The following CFAP206 variants were observed in gnomAD, a reference collection of about 807,000 sequenced individuals.
CFAP206 encodes cilia and flagella associated protein 206.
CFAP206 carries 53 observed loss-of-function variants against 65.4 expected under a neutral mutation model. The observed-to-expected ratio is 0.81, with a 90% CI of 0.65 to 1.02. The LOEUF is 1.02. Ranked by LOEUF, CFAP206 falls within the 50% of genes least tolerant of loss-of-function variation. The pLI, the probability that CFAP206 is intolerant of heterozygous loss-of-function variation, is 0.00. For synonymous variants in CFAP206, 250 were observed against 254.4 expected, an observed-to-expected ratio of 0.98 and a Z score of 0.17; for missense variants, 663 against 753.2, an observed-to-expected ratio of 0.88 and a Z score of 1.40.
At chr6:87,416,414 T>A (rs1767830158) in intron 5 of CFAP206, among the ~76,000 whole-genome samples, 1 of 152,094 alleles carries the variant, frequency 6.6e-6, no homozygotes, top group Admixed American at 6.5e-5. Context: ...CTTGTTTTCA[T>A]GCCCATTGCC....
intron 11 of CFAP206, among the ~76,000 whole-genome samples, chr6:87,459,598 G>A (rs1395065548): frequency 6.6e-6 from 1 of 152,124 alleles, no homozygotes. Context: ...TATAGATCAG[G>A]AATATTCAAA....
intron 11 of CFAP206, among the ~76,000 whole-genome samples, chr6:87,443,270 C>G (rs953445269): frequency 3.3e-5 from 5 of 152,072 alleles, no homozygotes; most frequent in African/African-American, 1.2e-4. Flanking sequence ...TATCCTTTTA[C>G]TATTTGTTTA....
intron 11 of CFAP206, among the ~76,000 whole-genome samples, chr6:87,447,192 C>T (rs1768460006): frequency 6.6e-6 from 1 of 152,084 alleles, no homozygotes; most frequent in Non-Finnish European, 1.5e-5. Context: ...CTTTCTCTTG[C>T]CTGACTGCCC....
In CFAP206 at chr6:87,426,628, C is replaced by G; in HGVS notation, c.943C>G (p.Pro315Ala). The change falls in exon 8 of 13, where the codon CCA (proline) becomes GCA (alanine). Residue 315 changes from proline to alanine, a missense_variant. Coordinates refer to ENST00000369562, the MANE Select transcript of CFAP206 (RefSeq NM_001031743.3). The part of the protein sequence containing the change: ...KMTIKSKIAV[P>A]TSQVFPIFIA... ...GACCATAAAATCAAAGATAGCGGTC[C>G]CAACATCACAAGTCTTTGTAAGTAT... 1 of 1,586,740 alleles carries G rather than the reference C, an allele frequency of 6.3e-7. No homozygotes were observed. Among genetic ancestry groups the G allele is most frequent in the South Asian group, 1.2e-5 (1 of 85,050 alleles).
intron 4 of CFAP206, among the ~76,000 whole-genome samples, chr6:87,415,173 C>T (rs1186773417): frequency 6.6e-6 from 1 of 151,972 alleles, no homozygotes; most frequent in East Asian, 1.9e-4. Flanking sequence ...TAATGCTTTT[C>T]AGAGGAAATT....
chr6:87,430,189 A>G (rs1768132270), intron 9 of CFAP206, among the ~76,000 whole-genome samples: 1 of 152,196 alleles, frequency 6.6e-6, no homozygotes, highest in African/African-American at 2.4e-5. Flanking sequence ...CATATCAGGA[A>G]AAAAGAGAGA....
chr6:87,423,195 A>G (rs968057847), intron 7 of CFAP206, among the ~76,000 whole-genome samples: 1 of 151,752 alleles, frequency 6.6e-6, no homozygotes, highest in African/African-American at 2.4e-5. Flanking sequence ...CTGGGATTAC[A>G]GGCGTGAGCC....
chr6:87,411,536 T>C (rs975543011), intron 3 of CFAP206, among the ~76,000 whole-genome samples: 1 of 152,252 alleles, frequency 6.6e-6, no homozygotes, highest in Non-Finnish European at 1.5e-5. Flanking sequence ...TTAGTTTATT[T>C]AAATCCAATT....
chr6:87,461,244 A>G, intron 12 of CFAP206, 79 bp downstream of exon 12: 1 of 927,144 alleles, frequency 1.1e-6, no homozygotes, highest in Non-Finnish European at 1.5e-6. Context: ...TGGTAAATTA[A>G]ATTATTTATA....
chr6:87,415,860 T>C lies in CFAP206; in HGVS notation c.458T>C (p.Val153Ala), dbSNP rs1482993471. The change falls in exon 5 of 13, where the codon GTC (valine) becomes GCC (alanine). Residue 153 changes from valine (V) to alanine (A), a missense_variant. Physicochemically the swap from Val to Ala is moderately conservative, Grantham distance 64. Transcript: ENST00000369562. Reference sequence around the variant, plus strand: ...GGATCCCCTACAGACATCAAGACTGTCAGAGAGGTAACAGGTAAAAAGTAT... The same window carrying C: ...GGATCCCCTACAGACATCAAGACTGCCAGAGAGGTAACAGGTAAAAAGTAT... ...GLGSPTDIKT[V>A]REVTAALQSV... The C allele has an allele frequency of 3.8e-6, 6 of 1,571,350 alleles. No homozygotes were observed. The highest frequency in any genetic ancestry group is 4.3e-6 in the Non-Finnish European group (5 of 1,160,444).
In CFAP206 at chr6:87,408,048, A is replaced by G. The variant is rs1767655771; in HGVS notation, c.-47A>G. On this transcript the variant is annotated 5_prime_UTR_variant, in exon 1 of 13. Transcript: ENST00000369562. ...ACCGTCGCGGTGAGGGCCCCAGGAC[A>G]GAAGCAGACAGACACGGCTCCTGCT... The G allele has an allele frequency of 2.0e-6, 2 of 985,374 alleles. No individual in the cohort carries two copies. The highest frequency in any genetic ancestry group is 9.4e-5 in the South Asian group (2 of 21,292). 61.0% of individuals were successfully genotyped at this position (985,374 alleles called of 1,614,324 possible).
intron 11 of CFAP206, among the ~76,000 whole-genome samples, chr6:87,455,557 A>G (rs1408704406): frequency 6.6e-6 from 1 of 152,138 alleles, no homozygotes; most frequent in Non-Finnish European, 1.5e-5. Context: ...AATAAAATGA[A>G]AAGGTACTTT....
chr6:87,452,704 GTC>G (rs948692758), intron 11 of CFAP206, among the ~76,000 whole-genome samples: 1 of 151,926 alleles, frequency 6.6e-6, no homozygotes, highest in African/African-American at 2.4e-5. Flanking sequence ...ATGTATCAAA[GTC>G]TCTCAATAAA....
At chr6:87,423,170 C>T (rs541474223) in intron 7 of CFAP206, among the ~76,000 whole-genome samples, 78 of 152,254 alleles carry the variant, frequency 5.1e-4, no homozygotes, top group African/African-American at 1.8e-3. Context: ...CCACCTGCCT[C>T]AGCCTCCCAA....
intron 7 of CFAP206, among the ~76,000 whole-genome samples, chr6:87,420,519 C>A (rs981618211): frequency 2.0e-5 from 3 of 152,216 alleles, no homozygotes; most frequent in Non-Finnish European, 4.4e-5. Context: ...TTGCCACTTA[C>A]TAAATCTGTG....
intron 7 of CFAP206, among the ~76,000 whole-genome samples, chr6:87,423,438 T>C (rs1054935712): frequency 6.6e-6 from 1 of 150,630 alleles, no homozygotes; most frequent in African/African-American, 2.4e-5. Context: ...TTAGTAGAGA[T>C]GGGGTTTCAC....
chr6:87,428,400 A>G (rs915542030), intron 8 of CFAP206, among the ~76,000 whole-genome samples: 2 of 151,886 alleles, frequency 1.3e-5, no homozygotes, highest in Non-Finnish European at 2.9e-5. Flanking sequence ...AACTAACTTT[A>G]TAATAATCGT....
chr6:87,440,952 A>G (rs1479708535), intron 11 of CFAP206, among the ~76,000 whole-genome samples: 1 of 152,224 alleles, frequency 6.6e-6, no homozygotes, highest in East Asian at 1.9e-4. Context: ...GTGGTACAGA[A>G]TACTTAAACA....
intron 3 of CFAP206, among the ~76,000 whole-genome samples, chr6:87,412,566 C>A (rs913329774): frequency 6.6e-6 from 1 of 152,040 alleles, no homozygotes; most frequent in African/African-American, 2.4e-5. Flanking sequence ...GAAAACAGAC[C>A]AGGAGAAGAA....
Sources: allele counts gnomAD v4.1 joint callset (sites outside exome capture counted in the v4.1 genomes callset), GRCh38; gene constraint gnomAD v4.1.1; transcripts MANE v1.5; gene names NCBI Gene and HGNC (gene_info 2026-07-23, HGNC 2026-07-21).